The following SDC1 variants were observed in gnomAD, a reference collection of about 807,000 sequenced individuals.
SDC1 encodes the protein syndecan-1.
Under a neutral mutation model 29.7 loss-of-function variants are expected in SDC1, and 14 were observed. The observed-to-expected ratio is 0.47, with a 90% CI of 0.31 to 0.74. The LOEUF is 0.74. Among genes scored for constraint, SDC1 ranks in the 30% least tolerant of loss-of-function variants. The pLI, the probability that SDC1 is intolerant of heterozygous loss-of-function variation, is 0.05. For synonymous variants in SDC1, 204 were observed against 175.5 expected (o/e 1.16, Z -1.29); for missense variants, 406 against 400.3 (o/e 1.01, Z -0.12).
intron 1 of SDC1, among the ~76,000 whole-genome samples, chr2:20,220,621 T>C (rs1677787076): frequency 6.6e-6 from 1 of 152,192 alleles, no homozygotes; most frequent in Non-Finnish European, 1.5e-5. Flanking sequence ...CACATATCCA[T>C]TATGAAATGA....
chr2:20,215,358 G>A (rs1472924150), intron 1 of SDC1, among the ~76,000 whole-genome samples: 1 of 152,120 alleles, frequency 6.6e-6, no homozygotes, highest in Non-Finnish European at 1.5e-5. Context: ...AACCCAGCCC[G>A]TACCTTCTCA....
rs757563937 is a variant in SDC1 at position 20,202,318 on chromosome 2, C to T, written c.*448G>A. 2.6e-6 allele frequency: 2 copies of T among 776,604 alleles called. No homozygotes were observed. Among genetic ancestry groups the T allele is most frequent in the Non-Finnish European group, 4.8e-6 (2 of 417,056 alleles). 48.1% of individuals were successfully genotyped at this position (776,604 alleles called of 1,614,324 possible). On this transcript the variant is annotated 3_prime_UTR_variant, in exon 5 of 5. Transcript: ENST00000254351. ...CAAAGTGGACTCCTGTCCCCTGCCA[C>T]TCAGCGGCCACCCCCCCAAGATGCT...
At position 20,201,998 on chromosome 2, in the gene SDC1, C is replaced by G. The variant is rs1280541493; in HGVS notation, c.*768G>C. ...GACCACCAGAAACGGGGCCACCAGA[C>G]AGATAGTCCATACCCTGTTGCACAC... On this transcript the variant is annotated 3_prime_UTR_variant, in exon 5 of 5. Coordinates refer to ENST00000254351, the MANE Select transcript of SDC1 (RefSeq NM_002997.5). 1 of 391,120 alleles carries G rather than the reference C, an allele frequency of 2.6e-6. No individual in the cohort carries two copies. Among genetic ancestry groups the G allele is most frequent in the Non-Finnish European group, 4.5e-6 (1 of 221,864 alleles). 24.2% of individuals were successfully genotyped at this position (391,120 alleles called of 1,614,324 possible). A position where few individuals can be genotyped will look rare whatever the true frequency, so the allele number is the denominator to read the frequency against.
intron 1 of SDC1, among the ~76,000 whole-genome samples, chr2:20,216,005 C>G (rs1201637657): frequency 6.6e-6 from 1 of 152,254 alleles, no homozygotes; most frequent in Non-Finnish European, 1.5e-5. Flanking sequence ...GTGCCCACTG[C>G]ATGCCCAGCC....
intron 1 of SDC1, among the ~76,000 whole-genome samples, chr2:20,221,713 A>C (rs796799470): frequency 4.6e-5 from 7 of 152,344 alleles, no homozygotes; most frequent in African/African-American, 1.7e-4. Flanking sequence ...AAACTGCAGA[A>C]GTCAAGCTTT....
Position 20,225,003 on chromosome 2 carries a change from C to A in SDC1, c.-136G>T, listed in dbSNP as rs1572477172. On this transcript the variant is annotated 5_prime_UTR_variant, in exon 1 of 5. Transcript: ENST00000254351. ...CTGTCCCAGGCGAGGGCTGCAGGGT[C>A]CGCCGGCTGGAGTCCGCTCTCTACT... 9.1e-7 allele frequency: 1 copy of A among 1,104,632 alleles called. No individual in the cohort carries two copies. Among genetic ancestry groups the A allele is most frequent in the African/African-American group, 1.6e-5 (1 of 60,716 alleles). 68.4% of individuals were successfully genotyped at this position (1,104,632 alleles called of 1,614,324 possible).
intron 1 of SDC1, among the ~76,000 whole-genome samples, chr2:20,212,476 G>A (rs917114319): frequency 6.6e-6 from 1 of 152,216 alleles, no homozygotes; most frequent in Non-Finnish European, 1.5e-5. Context: ...GAACTCAGGA[G>A]CCGGGAAAAC....
intron 1 of SDC1, among the ~76,000 whole-genome samples, chr2:20,221,154 T>C (rs917307057): frequency 6.6e-6 from 1 of 152,114 alleles, no homozygotes; most frequent in African/African-American, 2.4e-5. Flanking sequence ...CTGAAGTTCA[T>C]GAAGGGTACA....
At chr2:20,204,609 G>T (rs1157805215) in intron 2 of SDC1, among the ~76,000 whole-genome samples, 2 of 152,036 alleles carry the variant, frequency 1.3e-5, no homozygotes, top group Admixed American at 6.5e-5. Flanking sequence ...TAACTACTGT[G>T]GTTATCCTAC....
At chr2:20,223,601 G>A (rs1677892210) in intron 1 of SDC1, among the ~76,000 whole-genome samples, 1 of 152,216 alleles carries the variant, frequency 6.6e-6, no homozygotes, top group Non-Finnish European at 1.5e-5. Flanking sequence ...CACCGGGCGC[G>A]GGGGCTGGGG....
chr2:20,209,859 G>A (rs145075303), intron 1 of SDC1, among the ~76,000 whole-genome samples: 1 of 152,358 alleles, frequency 6.6e-6, no homozygotes, highest in Non-Finnish European at 1.5e-5. Context: ...GATGTCCAGT[G>A]GGCATCTCAG....
rs1469570911 is a variant in SDC1 at position 20,202,922 on chromosome 2, T to C, written c.777A>G (p.Gly259=). 2 of 1,611,636 alleles carry C rather than the reference T, an allele frequency of 1.2e-6. No individual in the cohort carries two copies. Among genetic ancestry groups the C allele is most frequent in the Middle Eastern group, 1.7e-4 (1 of 6,052 alleles). ...CAGCAAAGATGAGCCCCACGAGGCC[T>C]CCGGCAATGACCCCTAGGGCAGGTA... ...RKEVLGGVIA[G]GLVGLIFAVC... is the part of the protein sequence containing the mutation. Residue 259 remains glycine (G), a synonymous_variant, in exon 5 of 5, where the codon GGA becomes GGG. Transcript: ENST00000254351.
intron 2 of SDC1, 69 bp from the exon 3 acceptor site, chr2:20,204,360 G>T: frequency 9.9e-7 from 1 of 1,009,722 alleles, no homozygotes; most frequent in Non-Finnish European, 1.5e-6. Flanking sequence ...GAGTGTGTTG[G>T]GTGGGTCGGG....
chr2:20,212,361 T>C (rs944445816), intron 1 of SDC1, among the ~76,000 whole-genome samples: 3 of 152,000 alleles, frequency 2.0e-5, no homozygotes, highest in African/African-American at 7.3e-5. Flanking sequence ...CTCGTGGGAG[T>C]AGGCAGCAGG....
Position 20,203,182 on chromosome 2 carries a change from A to G in SDC1, c.668T>C (p.Val223Ala), listed in dbSNP as rs1677101008. The change falls in exon 4 of 5, where the codon GTG becomes GCG. Residue 223 changes from valine (V) to alanine (A), a missense_variant. Transcript: ENST00000254351. ...GTTCCGGCGGTCAGGCTCCACGGCCACTACAGCCGTATTCTCCCCCGAGGT... is the reference window on the plus strand; with the variant it reads ...GTTCCGGCGGTCAGGCTCCACGGCCGCTACAGCCGTATTCTCCCCCGAGGT... ...FETSGENTAV[V>A]AVEPDRRNQS... 2 of 1,612,396 alleles carry G rather than the reference A, an allele frequency of 1.2e-6. No individual in the cohort carries two copies. The highest frequency in any genetic ancestry group is 1.7e-6 in the Non-Finnish European group (2 of 1,179,210).
chr2:20,210,211 T>G (rs1204786200), intron 1 of SDC1, among the ~76,000 whole-genome samples: 1 of 152,110 alleles, frequency 6.6e-6, no homozygotes, highest in East Asian at 1.9e-4. Flanking sequence ...CGTGGCGGTG[T>G]GCACCTGTAC....
intron 1 of SDC1, chr2:20,207,297 T>TC: frequency 2.4e-6 from 1 of 417,348 alleles, no homozygotes; most frequent in African/African-American, 2.2e-5. Flanking sequence ...GTATCTTCCT[T>TC]CCCCCAAGAG....
chr2:20,208,621 AT>A (rs1408321201), intron 1 of SDC1, among the ~76,000 whole-genome samples: 1 of 152,124 alleles, frequency 6.6e-6, no homozygotes, highest in Non-Finnish European at 1.5e-5. Flanking sequence ...GAGACTTTCG[AT>A]TTCCTTTAGC....
chr2:20,204,335 G>T, intron 2 of SDC1, 44 bp from the exon 3 acceptor site: 4 of 1,378,684 alleles, frequency 2.9e-6, no homozygotes, highest in Non-Finnish European at 4.0e-6. Flanking sequence ...TGGGGGGTGG[G>T]GAGGACCAGA....
Sources: gnomAD v4.1 joint callset for allele counts (sites outside exome capture counted in the v4.1 genomes callset) on GRCh38, gnomAD v4.1.1 for gene constraint, MANE v1.5 for transcripts, NCBI Gene and HGNC (gene_info 2026-07-23, HGNC 2026-07-21) for gene names.